FGF13: variants seen among roughly 807,000 people sequenced by gnomAD.
The protein encoded by FGF13 is fibroblast growth factor 13, also known as fibroblast growth factor homologous factor 2.
Under a neutral mutation model 19.5 loss-of-function variants are expected in FGF13, and 2 were observed. That is an observed-to-expected ratio of 0.10 (90% CI 0.04 to 0.32). FGF13 has a LOEUF of 0.32. Ranked by LOEUF, FGF13 falls within the 10% of genes least tolerant of loss-of-function variation. FGF13 has a pLI of 1.00. For synonymous variants in FGF13, 72 were observed against 76.9 expected (o/e 0.94, Z 0.33); for missense variants, 113 against 192.7 (o/e 0.59, Z 2.45).
chrX:139,124,323 T>C (rs1478991202), intron 1 of FGF13, among the ~76,000 whole-genome samples: 4 of 112,513 alleles, frequency 3.6e-5, no homozygotes, highest in Non-Finnish European at 5.6e-5. Context: ...AGACATTGTA[T>C]GAATGAACGT....
chrX:138,867,534 G>A (rs1200242036), intron 1 of FGF13, among the ~76,000 whole-genome samples: 2 of 110,869 alleles, frequency 1.8e-5, no homozygotes, highest in Non-Finnish European at 3.8e-5. Context: ...AAGGCAAGGA[G>A]GAGCAAATCA....
intron 1 of FGF13, among the ~76,000 whole-genome samples, chrX:139,165,412 A>T (rs1158173129): frequency 2.7e-5 from 3 of 112,095 alleles, no homozygotes; most frequent in Non-Finnish European, 5.6e-5. Flanking sequence ...AAACTGAAAA[A>T]GCTTGCAAGA....
At chrX:139,120,048 G>A (rs1169524302) in intron 1 of FGF13, among the ~76,000 whole-genome samples, 1 of 111,953 alleles carries the variant, frequency 8.9e-6, no homozygotes, top group Admixed American at 9.4e-5. Flanking sequence ...GTTCTCAGGA[G>A]ATCTGGTTGT....
At chrX:138,822,430 AATAG>A (rs1376284391) in intron 3 of FGF13, among the ~76,000 whole-genome samples, 2 of 112,019 alleles carry the variant, frequency 1.8e-5, no homozygotes, top group Non-Finnish European at 3.8e-5. Flanking sequence ...CCTTGCAGAA[AATAG>A]ATAGCACACT....
chrX:138,845,937 C>T (rs2091178270), intron 3 of FGF13, among the ~76,000 whole-genome samples: 1 of 111,063 alleles, frequency 9.0e-6, no homozygotes, highest in African/African-American at 3.3e-5. Flanking sequence ...TTTGTTCCTT[C>T]CTTGTTGCTT....
intron 3 of FGF13, among the ~76,000 whole-genome samples, chrX:138,787,332 G>T (rs2124367931): frequency 8.9e-6 from 1 of 111,778 alleles, no homozygotes; most frequent in East Asian, 2.8e-4. Flanking sequence ...AGTCATTTGG[G>T]GCAGCTATAA....
intron 1 of FGF13, among the ~76,000 whole-genome samples, chrX:138,719,926 T>C (rs766758657): frequency 8.8e-6 from 1 of 113,208 alleles, no homozygotes; most frequent in South Asian, 3.6e-4. Flanking sequence ...GATTTCATTT[T>C]AGAGAAGAGA....
chrX:139,113,352 T>C (rs1397588242), intron 1 of FGF13, among the ~76,000 whole-genome samples: 2 of 111,624 alleles, frequency 1.8e-5, no homozygotes, highest in East Asian at 5.7e-4. Context: ...ACAAGGCTAG[T>C]AGACTGTGAA....
At chrX:138,634,429 T>C (rs2089158337) in intron 4 of FGF13, among the ~76,000 whole-genome samples, 1 of 113,014 alleles carries the variant, frequency 8.8e-6, no homozygotes, top group Non-Finnish European at 1.9e-5. Context: ...CATTTTAGCA[T>C]AATTTGGGGA....
At chrX:138,867,821 CTA>C (rs2091336499) in intron 1 of FGF13, among the ~76,000 whole-genome samples, 1 of 104,460 alleles carries the variant, frequency 9.6e-6, no homozygotes, top group Non-Finnish European at 2.0e-5. Context: ...ATCTATCTAT[CTA>C]TCTATCTATC....
At chrX:138,845,592 G>A (rs760413529) in intron 3 of FGF13, among the ~76,000 whole-genome samples, 29 of 111,600 alleles carry the variant, frequency 2.6e-4, no homozygotes, top group Non-Finnish European at 4.7e-4. Context: ...TGGGAAGGGA[G>A]AGAGACCACT....
chrX:139,052,212 A>C (rs1397215536), intron 1 of FGF13, among the ~76,000 whole-genome samples: 2 of 111,910 alleles, frequency 1.8e-5, no homozygotes, highest in African/African-American at 3.3e-5. Flanking sequence ...CATTACACTA[A>C]TATGAAGATA....
upstream of FGF13, chrX:139,204,423 C>G (rs2084448848): frequency 1.9e-5 from 3 of 157,409 alleles, no homozygotes; most frequent in Non-Finnish European, 3.6e-5. Flanking sequence ...TCCTCCGCGC[C>G]CCGCGCCCTC....
intron 1 of FGF13, among the ~76,000 whole-genome samples, chrX:139,008,066 A>G (rs2092111405): frequency 8.9e-6 from 1 of 112,354 alleles, no homozygotes; most frequent in African/African-American, 3.2e-5. Context: ...ATGACCGAGC[A>G]GATGCAGCTA....
chrX:138,738,671 T>C (rs953735599), intron 1 of FGF13, among the ~76,000 whole-genome samples: 21 of 111,918 alleles, frequency 1.9e-4, no homozygotes, highest in African/African-American at 5.8e-4. Flanking sequence ...TGAGACATTA[T>C]AGAGTGCCTA....
intron 1 of FGF13, among the ~76,000 whole-genome samples, chrX:138,920,736 C>T (rs1303717960): frequency 9.0e-6 from 1 of 111,207 alleles, no homozygotes; most frequent in Non-Finnish European, 1.9e-5. Context: ...ACTGGACGAG[C>T]GAGGTGAGAG....
chrX:138,642,980 A>G (rs916174717), intron 3 of FGF13, among the ~76,000 whole-genome samples: 16 of 112,612 alleles, frequency 1.4e-4, no homozygotes, highest in African/African-American at 5.2e-4. Flanking sequence ...GTTACACTGA[A>G]TTCTTTACCA....
intron 3 of FGF13, among the ~76,000 whole-genome samples, chrX:138,785,215 C>A (rs1472608584): frequency 8.9e-6 from 1 of 111,828 alleles, no homozygotes; most frequent in African/African-American, 3.2e-5. Context: ...CAGTATCCAT[C>A]TCAACCCATC....
In FGF13 at chrX:138,710,860, C is replaced by T. The variant is rs756809145; in HGVS notation, c.144G>A (p.Arg48=). ...TCTTCTTGGAGCCGAAGAGTTTGACCCGGGAAAAGACATTTAACTTGTTTT... is the reference window on the plus strand; with the variant it reads ...TCTTCTTGGAGCCGAAGAGTTTGACTCGGGAAAAGACATTTAACTTGTTTT... ...CDKNKLNVFS[R]VKLFGSKKRR... Residue 48 remains arginine, a synonymous_variant, in exon 1 of 5, where the codon CGG becomes CGA. Coordinates refer to ENST00000315930, the MANE Select transcript of FGF13 (RefSeq NM_004114.5). 94 of 1,211,028 alleles carry T rather than the reference C, an allele frequency of 7.8e-5. No individual in the cohort carries two copies. The highest frequency in any genetic ancestry group is 1.0e-4 in the Non-Finnish European group (91 of 895,410).
Sources: gnomAD v4.1 joint callset for allele counts (sites outside exome capture counted in the v4.1 genomes callset) on GRCh38, gnomAD v4.1.1 for gene constraint, MANE v1.5 for transcripts, NCBI Gene and HGNC (gene_info 2026-07-23, HGNC 2026-07-21) for gene names.